The following GABRB3 variants were observed in gnomAD, a reference collection of about 807,000 sequenced individuals.
GABRB3 encodes gamma-aminobutyric acid receptor subunit beta-3.
A neutral mutation model predicts 52.1 loss-of-function variants in GABRB3; 14 were observed. That is an observed-to-expected ratio of 0.27 (90% CI 0.18 to 0.42). GABRB3 has a LOEUF of 0.42. Ranked by LOEUF, GABRB3 falls within the 10% of genes least tolerant of loss-of-function variation. The pLI is 1.00. For missense variants in GABRB3, 307 were observed against 609.1 expected (o/e 0.50, Z 5.22); for synonymous variants, 260 against 232.3 (o/e 1.12, Z -1.08).
Position 26,583,400 on chromosome 15 carries a change from G to T in GABRB3, c.476C>A (p.Ala159Glu). ...VLYGLRITTTAACMMDLRRYP... is the reference protein window; with the variant it reads ...VLYGLRITTTEACMMDLRRYP... ...TCTCCTGAGGTCCATCATGCATGCT[G>T]CTGTCGTGGTGATTCTGAAATACAC... is the stretch of plus-strand genomic sequence containing the variant. The change falls in exon 5 of 9, where the codon GCA becomes GAA. Residue 159 changes from alanine (A) to glutamate (E), a missense_variant. Ala to Glu is a moderately radical substitution (Grantham distance 107). Transcript: ENST00000311550. 6.2e-7 allele frequency: 1 copy of T among 1,613,798 alleles called. No individual in the cohort carries two copies. The highest frequency in any genetic ancestry group is 8.5e-7 in the Non-Finnish European group (1 of 1,179,748).
intron 3 of GABRB3, chr15:26,642,465 A>G (rs112047311): frequency 9.3e-6 from 12 of 1,288,328 alleles, no homozygotes; most frequent in South Asian, 1.2e-5. Context: ...AAAGGAAAAA[A>G]TGAATCTATA....
In GABRB3 at chr15:26,649,456, G is replaced by A. The variant is rs1031191399; in HGVS notation, c.241-27922C>T. 3.9e-5 allele frequency among the ~76,000 whole-genome samples: 6 copies of A among 152,276 alleles called. No homozygotes were observed. The South Asian group carries it at 1.2e-3, about 32-fold the overall frequency. On this transcript the variant is annotated intron_variant, in intron 3 of 8. Transcript: ENST00000311550. The stretch of plus-strand genomic sequence containing the variant: ...TGGACTTCCTAGTCTCCAGAACTGT[G>A]AGAAATACATTTCTATTGTTAATAA...
intron 4 of GABRB3, among the ~76,000 whole-genome samples, chr15:26,609,067 T>C (rs575226598): frequency 4.5e-4 from 67 of 149,852 alleles, no homozygotes; most frequent in Admixed American, 1.1e-3. Flanking sequence ...AACAGATAAA[T>C]TGATTTTTTT....
chr15:26,678,475 C>G (rs1186228697), intron 3 of GABRB3, among the ~76,000 whole-genome samples: 1 of 151,836 alleles, frequency 6.6e-6, no homozygotes, highest in Non-Finnish European at 1.5e-5. Context: ...TCTCTGTGAA[C>G]CTTACTGCAT....
chr15:26,772,883 C>G lies in GABRB3; in HGVS notation c.80G>C (p.Ser27Thr). 6.8e-7 allele frequency: 1 copy of G among 1,481,460 alleles called. No homozygotes were observed. Among genetic ancestry groups the G allele is most frequent in the Non-Finnish European group, 9.0e-7 (1 of 1,113,834 alleles). The allele number at this position is 1,481,460 out of a possible 1,614,324, so 91.8% of individuals were successfully genotyped here. The change falls in exon 1 of 9, where the codon AGT becomes ACT. Residue 27 changes from serine to threonine, a missense_variant and splice_region_variant. Physicochemically the swap from Ser to Thr is moderately conservative, Grantham distance 58. Around this residue, in one of 6 missense-constraint regions of GABRB3, gnomAD observed 90 missense variants for 86.4 expected, o/e 1.04. Coordinates refer to ENST00000311550, the MANE Select transcript of GABRB3 (RefSeq NM_000814.6). ...VLVAVVCCAQ[S>T]VNDPGNMSFV... ...CCCGCCGGCCCACCCGCGACCCTAC[C>G]TCTGGGCGCAGCACACCACAGCCAC...
chr15:26,581,181 G>A (rs1435923151), intron 5 of GABRB3: 1 of 157,674 alleles, frequency 6.3e-6, no homozygotes, highest in African/African-American at 2.4e-5. Context: ...GGCAATAGGT[G>A]CATTCTTACT....
In GABRB3 at chr15:26,626,082, G is replaced by C. The variant is rs147142777; in HGVS notation, c.241-4548C>G. ...AGCATATGCTCACTTCATGTCTCTG[G>C]GTCATATTTTGGTAATTTTCACAAG... On this transcript the variant is annotated intron_variant, in intron 3 of 8. Transcript: ENST00000311550. 5.7e-4 allele frequency among the ~76,000 whole-genome samples: 86 copies of C among 152,076 alleles called. 1 individual carries two copies. Among genetic ancestry groups the C allele is most frequent in the African/African-American group, 2.0e-3 (82 of 41,474 alleles).
chr15:26,728,135 C>A (rs999904943), intron 3 of GABRB3, among the ~76,000 whole-genome samples: 1 of 152,192 alleles, frequency 6.6e-6, no homozygotes, highest in Admixed American at 6.5e-5. Flanking sequence ...GTGAGACATT[C>A]CTCCAGGGAA....
At chr15:26,691,525 T>C (rs566803429) in intron 3 of GABRB3, among the ~76,000 whole-genome samples, 6 of 152,162 alleles carry the variant, frequency 3.9e-5, no homozygotes, top group African/African-American at 9.6e-5. Flanking sequence ...GTAAGGAGGA[T>C]AGATAGGAAG....
chr15:26,769,896 A>T (rs1891100681), intron 3 of GABRB3, among the ~76,000 whole-genome samples: 1 of 152,180 alleles, frequency 6.6e-6, no homozygotes, highest in Non-Finnish European at 1.5e-5. Context: ...GAGACCATTT[A>T]TTATTGAATT....
At chr15:26,596,654 A>T (rs527527081) in intron 4 of GABRB3, among the ~76,000 whole-genome samples, 81 of 152,152 alleles carry the variant, frequency 5.3e-4, no homozygotes, top group Non-Finnish European at 7.4e-4. Context: ...TGCAGAACAT[A>T]AAAAAAGAGA....
chr15:26,559,522 G>A (rs1889900614), intron 8 of GABRB3, among the ~76,000 whole-genome samples: 1 of 152,148 alleles, frequency 6.6e-6, no homozygotes, highest in Non-Finnish European at 1.5e-5. Flanking sequence ...AAAAAATGTG[G>A]GAAGAAACCC....
At chr15:26,615,468 G>A (rs1008622760) in intron 4 of GABRB3, 44 of 986,836 alleles carry the variant, frequency 4.5e-5, no homozygotes, top group Non-Finnish European at 5.3e-5. Flanking sequence ...CAAGCTCAAG[G>A]GGCTACAAGA....
chr15:26,548,196 C>T, intron 8 of GABRB3, 62 bp from the exon 9 acceptor site: 1 of 1,300,652 alleles, frequency 7.7e-7, no homozygotes, highest in Non-Finnish European at 1.1e-6. Flanking sequence ...TATGCAGATC[C>T]CGGACAGAAT....
At chr15:26,771,657 G>T (rs1891147323) in intron 3 of GABRB3, among the ~76,000 whole-genome samples, 1 of 152,192 alleles carries the variant, frequency 6.6e-6, no homozygotes, top group African/African-American at 2.4e-5. Flanking sequence ...TTCGCACCTC[G>T]GGGTACTGAC....
At chr15:26,681,814 T>A (rs2140648806) in intron 3 of GABRB3, among the ~76,000 whole-genome samples, 1 of 152,098 alleles carries the variant, frequency 6.6e-6, no homozygotes, top group African/African-American at 2.4e-5. Flanking sequence ...AAATGTTTTA[T>A]AAGAAAAATT....
chr15:26,711,428 T>C (rs947396239), intron 3 of GABRB3, among the ~76,000 whole-genome samples: 9 of 151,242 alleles, frequency 6.0e-5, no homozygotes, highest in African/African-American at 2.2e-4. Flanking sequence ...TACAGCTTCG[T>C]GACGGATGTG....
intron 4 of GABRB3, among the ~76,000 whole-genome samples, chr15:26,589,342 G>A (rs972845105): frequency 3.3e-5 from 5 of 152,168 alleles, no homozygotes; most frequent in African/African-American, 1.2e-4. Context: ...GTTGACTTAG[G>A]TATAAAAGTG....
chr15:26,630,272 T>G (rs1892876024), intron 3 of GABRB3, among the ~76,000 whole-genome samples: 1 of 152,208 alleles, frequency 6.6e-6, no homozygotes, highest in Admixed American at 6.5e-5. Flanking sequence ...AAGGGAAAGC[T>G]GCCAGCACCT....
Sources: allele counts gnomAD v4.1 joint callset (sites outside exome capture counted in the v4.1 genomes callset), GRCh38; gene constraint gnomAD v4.1.1; regional missense constraint gnomAD v4.1.1; transcripts MANE v1.5; gene names NCBI Gene and HGNC (gene_info 2026-07-23, HGNC 2026-07-21).